Variants in GMPR observed in about 807,000 individuals in gnomAD.
The protein encoded by GMPR is GMP reductase 1.
GMPR carries 31 observed loss-of-function variants against 38.4 expected under a neutral mutation model. That is an observed-to-expected ratio of 0.81 (90% CI 0.61 to 1.09). The LOEUF (loss-of-function observed/expected upper bound fraction) is 1.09. GMPR is among the 50% of genes least tolerant of loss of function. The pLI is 0.00. For synonymous variants in GMPR, 162 were observed against 173.3 expected (o/e 0.93, Z 0.51); for missense variants, 468 against 453.7 (o/e 1.03, Z -0.29).
At chr6:16,293,006 CTCTG>C (rs1454578222) in intron 8 of GMPR, among the ~76,000 whole-genome samples, 1 of 150,032 alleles carries the variant, frequency 6.7e-6, no homozygotes, top group African/African-American at 2.4e-5. Context: ...CCTGTCTTAC[CTCTG>C]TCTGAGTCTC....
At chr6:16,241,819 G>A (rs1296069875) in intron 1 of GMPR, among the ~76,000 whole-genome samples, 1 of 152,106 alleles carries the variant, frequency 6.6e-6, no homozygotes, top group East Asian at 1.9e-4. Context: ...TTGGCTCGCT[G>A]CAACCTCCGC....
intron 4 of GMPR, among the ~76,000 whole-genome samples, chr6:16,266,095 GCT>G (rs1759204865): frequency 1.4e-5 from 1 of 72,358 alleles, no homozygotes; most frequent in African/African-American, 5.3e-5. Context: ...ACCTTTAAGA[GCT>G]GTAACACTTG....
intron 4 of GMPR, among the ~76,000 whole-genome samples, chr6:16,261,012 A>G (rs960466820): frequency 1.3e-5 from 2 of 152,000 alleles, no homozygotes; most frequent in African/African-American, 4.8e-5. Flanking sequence ...AGAAATGTAG[A>G]GAGTAAGTTG....
At chr6:16,283,607 G>A (rs529337405) in intron 6 of GMPR, among the ~76,000 whole-genome samples, 18 of 152,192 alleles carry the variant, frequency 1.2e-4, no homozygotes, top group African/African-American at 2.9e-4. Context: ...TTTGCAATAC[G>A]CCATACAGTT....
chr6:16,264,697 A>T (rs1193319262), intron 4 of GMPR: 2 of 152,174 alleles, frequency 1.3e-5, no homozygotes, highest in African/African-American at 4.8e-5. Context: ...CAAGGTGCTC[A>T]GTAGGGGAGC....
intron 1 of GMPR, among the ~76,000 whole-genome samples, chr6:16,245,159 G>A (rs372304231): frequency 2.6e-5 from 4 of 152,110 alleles, no homozygotes; most frequent in Admixed American, 2.0e-4. Flanking sequence ...CACTATAAAC[G>A]TGCTCCACTG....
intron 6 of GMPR, among the ~76,000 whole-genome samples, chr6:16,283,587 T>A (rs1176542356): frequency 2.0e-5 from 3 of 152,150 alleles, no homozygotes; most frequent in African/African-American, 7.2e-5. Context: ...GCCATAAATA[T>A]GATTTCCTCT....
intron 8 of GMPR, among the ~76,000 whole-genome samples, chr6:16,293,492 C>T (rs1489098802): frequency 1.3e-5 from 2 of 152,194 alleles, no homozygotes; most frequent in Non-Finnish European, 2.9e-5. Flanking sequence ...GTAGTCCTGC[C>T]TGTTCAGCAA....
intron 4 of GMPR, among the ~76,000 whole-genome samples, chr6:16,257,088 C>T (rs368833582): frequency 4.4e-4 from 67 of 152,302 alleles, no homozygotes; most frequent in African/African-American, 1.6e-3. Context: ...AAGCTTGGAG[C>T]TTCTGGCTCC....
chr6:16,292,051 G>A (rs763260235), intron 8 of GMPR, among the ~76,000 whole-genome samples: 1 of 152,216 alleles, frequency 6.6e-6, no homozygotes, highest in Non-Finnish European at 1.5e-5. Context: ...CATCTGCAGA[G>A]GGAAGTTGCC....
chr6:16,288,585 C>T (rs756165094), intron 7 of GMPR, among the ~76,000 whole-genome samples: 4 of 152,080 alleles, frequency 2.6e-5, no homozygotes, highest in Admixed American at 6.5e-5. Context: ...TAATGAGCGC[C>T]GCCCCCTGCT....
At chr6:16,287,018 G>T (rs1209303784) in intron 7 of GMPR, among the ~76,000 whole-genome samples, 1 of 152,196 alleles carries the variant, frequency 6.6e-6, no homozygotes, top group Admixed American at 6.5e-5. Flanking sequence ...GCAACCCAAA[G>T]ATGTCATGAA....
intron 5 of GMPR, among the ~76,000 whole-genome samples, chr6:16,277,512 G>A (rs9383147): frequency 0.065 from 9,864 of 152,238 alleles, 665 homozygotes; most frequent in African/African-American, 0.17. Flanking sequence ...GAGGGGCTGA[G>A]TGAGTGGCAG....
At chr6:16,276,566 T>G (rs1179832390) in intron 5 of GMPR, among the ~76,000 whole-genome samples, 1 of 152,186 alleles carries the variant, frequency 6.6e-6, no homozygotes, top group Non-Finnish European at 1.5e-5. Flanking sequence ...CCAGAAGCTG[T>G]ATTGTCCTTC....
At chr6:16,285,017 CAAA>C (rs1230598044) in intron 6 of GMPR, among the ~76,000 whole-genome samples, 4 of 35,100 alleles carry the variant, frequency 1.1e-4, no homozygotes, top group African/African-American at 2.2e-4. Flanking sequence ...GAGACTGTCT[CAAA>C]AAAAAAAAAA....
chr6:16,268,118 G>A (rs887268504), intron 4 of GMPR, among the ~76,000 whole-genome samples: 2 of 152,182 alleles, frequency 1.3e-5, no homozygotes, highest in Non-Finnish European at 2.9e-5. Flanking sequence ...CACCTCTCAG[G>A]CCGTGTTCCC....
intron 7 of GMPR, among the ~76,000 whole-genome samples, chr6:16,289,065 G>C (rs148043104): frequency 8.2e-4 from 125 of 152,312 alleles, no homozygotes; most frequent in Middle Eastern, 3.4e-3. Flanking sequence ...TTTTCTTTGG[G>C]AGGGTGATTT....
intron 1 of GMPR, among the ~76,000 whole-genome samples, chr6:16,239,576 A>C (rs1303352319): frequency 1.3e-5 from 2 of 152,242 alleles, no homozygotes; most frequent in Non-Finnish European, 2.9e-5. Flanking sequence ...TGCGCTGGTG[A>C]CTGGCTTTGC....
At chr6:16,286,925 A>G (rs1759693775) in intron 7 of GMPR, among the ~76,000 whole-genome samples, 1 of 152,180 alleles carries the variant, frequency 6.6e-6, no homozygotes, top group Non-Finnish European at 1.5e-5. Flanking sequence ...AAAAATAAAA[A>G]TTAAAAAATA....
Sources: gnomAD v4.1 joint callset for allele counts (sites outside exome capture counted in the v4.1 genomes callset) on GRCh38, gnomAD v4.1.1 for gene constraint, MANE v1.5 for transcripts, NCBI Gene and HGNC (gene_info 2026-07-23, HGNC 2026-07-21) for gene names.